The following KHDRBS2 variants were observed in gnomAD, a reference collection of about 807,000 sequenced individuals.
The protein encoded by KHDRBS2 is KH domain-containing, RNA-binding, signal transduction-associated protein 2.
A neutral mutation model predicts 44.3 loss-of-function variants in KHDRBS2; 26 were observed. That is an observed-to-expected ratio of 0.59 (90% CI 0.43 to 0.81). The LOEUF is 0.81. Among genes scored for constraint, KHDRBS2 ranks in the 40% least tolerant of loss-of-function variants. The pLI is 0.00. For synonymous variants in KHDRBS2, 194 were observed against 151.1 expected, an observed-to-expected ratio of 1.28 and a Z score of -2.08; for missense variants, 476 against 433.1, an observed-to-expected ratio of 1.10 and a Z score of -0.88.
chr6:61,989,593 A>G (rs987272818), intron 3 of KHDRBS2, among the ~76,000 whole-genome samples: 5 of 152,270 alleles, frequency 3.3e-5, no homozygotes, highest in African/African-American at 7.2e-5. Context: ...TGTCTTTGCA[A>G]TCTCTTAGTA....
At chr6:61,795,144 CAAAAAAAAA>C (rs1166333660) in intron 6 of KHDRBS2, among the ~76,000 whole-genome samples, 18 of 59,668 alleles carry the variant, frequency 3.0e-4, no homozygotes, top group African/African-American at 1.0e-3. Context: ...GACTCCGTCT[CAAAAAAAAA>C]AAAAAAAAAA....
the KHDRBS2 span, among the ~76,000 whole-genome samples, chr6:61,620,171 C>T: frequency 5.3e-5 from 8 of 151,726 alleles, no homozygotes; most frequent in African/African-American, 1.9e-4. Flanking sequence ...TAAAATGAAT[C>T]AAAAAATAAA....
intron 2 of KHDRBS2, among the ~76,000 whole-genome samples, chr6:62,049,296 A>G (rs965274813): frequency 5.9e-5 from 9 of 151,954 alleles, no homozygotes; most frequent in Non-Finnish European, 1.2e-4. Flanking sequence ...AGTATGAAAA[A>G]GAACAAAACA....
chr6:62,189,849 G>A (rs1824224653), intron 1 of KHDRBS2, among the ~76,000 whole-genome samples: 1 of 152,100 alleles, frequency 6.6e-6, no homozygotes, highest in African/African-American at 2.4e-5. Flanking sequence ...AGGCTTGGCT[G>A]GGAAAAATGT....
chr6:61,616,871 C>G, the KHDRBS2 span, among the ~76,000 whole-genome samples: 2 of 152,092 alleles, frequency 1.3e-5, no homozygotes, highest in Non-Finnish European at 2.9e-5. Flanking sequence ...TGAAAATATT[C>G]AAGAAAATCC....
At chr6:62,235,967 A>G (rs1833640460) in intron 1 of KHDRBS2, among the ~76,000 whole-genome samples, 1 of 152,116 alleles carries the variant, frequency 6.6e-6, no homozygotes, top group African/African-American at 2.4e-5. Flanking sequence ...CTGGAGGAGG[A>G]AAATTAGATC....
At chr6:61,596,273 A>G in the KHDRBS2 span, among the ~76,000 whole-genome samples, 12 of 152,364 alleles carry the variant, frequency 7.9e-5, no homozygotes, top group South Asian at 8.3e-4. Flanking sequence ...CAACAGTTTC[A>G]TGATCTTAAG....
chr6:62,182,788 T>C (rs1458542711), intron 1 of KHDRBS2, among the ~76,000 whole-genome samples: 1 of 151,930 alleles, frequency 6.6e-6, no homozygotes, highest in Non-Finnish European at 1.5e-5. Flanking sequence ...TTGCTGAAGC[T>C]CTTTCAAAAA....
intron 2 of KHDRBS2, among the ~76,000 whole-genome samples, chr6:62,112,832 C>T (rs73758673): frequency 0.022 from 3,354 of 152,128 alleles, 133 homozygotes; most frequent in African/African-American, 0.076. Flanking sequence ...GCAATTGGTG[C>T]ATCAAAATTA....
chr6:61,549,764 T>C, the KHDRBS2 span, among the ~76,000 whole-genome samples: 3 of 152,166 alleles, frequency 2.0e-5, no homozygotes, highest in Non-Finnish European at 4.4e-5. Context: ...TATTTTCTGA[T>C]TCTACACAAA....
At chr6:61,575,852 T>TA in the KHDRBS2 span, among the ~76,000 whole-genome samples, 11 of 152,124 alleles carry the variant, frequency 7.2e-5, no homozygotes, top group Admixed American at 7.2e-4. Flanking sequence ...GTAACTCAGG[T>TA]AAAAAAGACC....
At position 61,894,704 on chromosome 6, in the gene KHDRBS2, G is replaced by T. The variant is rs781455982; in HGVS notation, c.741C>A (p.Ala247=). 30 of 1,613,464 alleles carry T rather than the reference G, an allele frequency of 1.9e-5. No individual in the cohort carries two copies. In the Middle Eastern group the frequency reaches 3.5e-3, roughly 186 times the overall value. The change falls in exon 6 of 9, where the codon GCC becomes GCA. Residue 247 remains alanine, a synonymous_variant. Coordinates refer to ENST00000281156, the MANE Select transcript of KHDRBS2 (RefSeq NM_152688.4). ...ATCCTGGCACTGTTGGTGCCCCCCG[G>T]GCTCGAGGGGTAGGGACACCTCTTG... ...PVARGVPTPR[A]RGAPTVPGYR...
intron 6 of KHDRBS2, among the ~76,000 whole-genome samples, chr6:61,774,035 T>C (rs1781493189): frequency 6.6e-6 from 1 of 152,214 alleles, no homozygotes; most frequent in African/African-American, 2.4e-5. Context: ...TATGCTGTTT[T>C]GGTTACTGTA....
At chr6:62,146,802 C>T (rs532009575) in intron 2 of KHDRBS2, among the ~76,000 whole-genome samples, 25 of 151,630 alleles carry the variant, frequency 1.6e-4, no homozygotes, top group African/African-American at 5.8e-4. Flanking sequence ...AAAAATGGTA[C>T]GCTATACATC....
At chr6:61,725,887 G>C (rs181939061) in intron 7 of KHDRBS2, among the ~76,000 whole-genome samples, 2 of 152,146 alleles carry the variant, frequency 1.3e-5, no homozygotes, top group East Asian at 3.9e-4. Flanking sequence ...AGATGAGCTA[G>C]TAGTGTACTG....
chr6:62,080,080 A>G (rs1230797794), intron 2 of KHDRBS2, among the ~76,000 whole-genome samples: 2 of 152,078 alleles, frequency 1.3e-5, no homozygotes, highest in East Asian at 1.9e-4. Flanking sequence ...TAAAATACAT[A>G]AAACGTGAAA....
chr6:62,109,373 A>G (rs1409874682), intron 2 of KHDRBS2, among the ~76,000 whole-genome samples: 4 of 152,020 alleles, frequency 2.6e-5, no homozygotes, highest in Non-Finnish European at 5.9e-5. Flanking sequence ...ATCTTCAAAA[A>G]TTCTATAGCT....
chr6:62,113,159 C>A (rs1379477397), intron 2 of KHDRBS2, among the ~76,000 whole-genome samples: 1 of 152,078 alleles, frequency 6.6e-6, no homozygotes, highest in African/African-American at 2.4e-5. Context: ...ATATTAAATA[C>A]TGAAGCCTAG....
At chr6:62,045,707 A>T (rs1787521947) in intron 3 of KHDRBS2, among the ~76,000 whole-genome samples, 1 of 152,014 alleles carries the variant, frequency 6.6e-6, no homozygotes. Context: ...GCACAATCCC[A>T]TGTGATGTAT....
Sources: gnomAD v4.1 joint callset for allele counts (sites outside exome capture counted in the v4.1 genomes callset) on GRCh38, gnomAD v4.1.1 for gene constraint, MANE v1.5 for transcripts, NCBI Gene and HGNC (gene_info 2026-07-23, HGNC 2026-07-21) for gene names.